Variants in AGMO observed in about 807,000 individuals in gnomAD.
The protein encoded by AGMO is alkylglycerol monooxygenase, also known as glyceryl-ether monooxygenase.
In AGMO, 75 loss-of-function variants were observed where a neutral mutation model predicts 60.2. The ratio of observed to expected loss-of-function variants is 1.25; its 90% confidence interval spans 1.03 to 1.51. The LOEUF is 1.51. Among genes scored for constraint, AGMO ranks in the 40% most tolerant of loss-of-function variants. AGMO has a pLI of 0.00. For missense variants in AGMO, 763 were observed against 525.5 expected (o/e 1.45, Z -4.42); for synonymous variants, 261 against 177.1 (o/e 1.47, Z -3.76).
At chr7:15,504,779 TAA>T (rs77098444) in intron 3 of AGMO, among the ~76,000 whole-genome samples, 16 of 116,392 alleles carry the variant, frequency 1.4e-4, no homozygotes, top group Admixed American at 1.8e-4. Flanking sequence ...CTAGTTAAAA[TAA>T]AAAAAAAAAA....
rs952767621 is a variant in AGMO at position 15,515,202 on chromosome 7, A to C, written c.409+29570T>G. Among the ~76,000 whole-genome samples, 3 of 152,360 alleles carry C rather than the reference A, an allele frequency of 2.0e-5. No individual in the cohort carries two copies. The East Asian group carries it at 5.8e-4, about 29-fold the overall frequency. On this transcript the variant is annotated intron_variant, in intron 3 of 12. Transcript: ENST00000342526. ...GTCTGTTTATGCTTCTGAAACTACTAAAAGGTTTTACTCTGGGAAAACTCT... is the reference window on the plus strand; with the variant it reads ...GTCTGTTTATGCTTCTGAAACTACTCAAAGGTTTTACTCTGGGAAAACTCT...
intron 5 of AGMO, among the ~76,000 whole-genome samples, chr7:15,398,270 A>T (rs895189576): frequency 3.3e-5 from 5 of 151,940 alleles, no homozygotes; most frequent in Admixed American, 2.6e-4. Flanking sequence ...GGCTGAGTGC[A>T]CTATTTTTTT....
At chr7:15,262,647 A>G (rs1583340152) in intron 12 of AGMO, among the ~76,000 whole-genome samples, 1 of 152,208 alleles carries the variant, frequency 6.6e-6, no homozygotes, top group East Asian at 1.9e-4. Flanking sequence ...AAGAGCCTGC[A>G]TAGCCAAAAG....
intron 3 of AGMO, among the ~76,000 whole-genome samples, chr7:15,482,302 C>T (rs1304511801): frequency 1.3e-5 from 2 of 151,796 alleles, no homozygotes; most frequent in African/African-American, 4.8e-5. Flanking sequence ...ATACACATTA[C>T]CTATAACAGG....
intron 3 of AGMO, among the ~76,000 whole-genome samples, chr7:15,472,443 G>A (rs189735825): frequency 4.6e-5 from 7 of 151,870 alleles, no homozygotes; most frequent in Admixed American, 4.6e-4. Context: ...ACTAAATATG[G>A]GAAGTCATTT....
chr7:15,248,641 T>A (rs529137382), intron 12 of AGMO, among the ~76,000 whole-genome samples: 1 of 152,222 alleles, frequency 6.6e-6, no homozygotes, highest in South Asian at 2.1e-4. Context: ...CTATAAACAC[T>A]GAACTTGAGA....
chr7:15,264,543 G>A (rs534715867), intron 12 of AGMO, among the ~76,000 whole-genome samples: 2 of 151,856 alleles, frequency 1.3e-5, no homozygotes, highest in East Asian at 1.9e-4. Context: ...ATCTGACAAA[G>A]GTCTAATATC....
chr7:15,481,362 G>T (rs191616488), intron 3 of AGMO, among the ~76,000 whole-genome samples: 1 of 152,124 alleles, frequency 6.6e-6, no homozygotes, highest in Non-Finnish European at 1.5e-5. Flanking sequence ...CAGGCAGTCC[G>T]TGAATCTCTG....
chr7:15,159,723 T>C, the AGMO span, among the ~76,000 whole-genome samples: 2 of 152,296 alleles, frequency 1.3e-5, no homozygotes, highest in Middle Eastern at 6.8e-3. Context: ...ATATTCCAGT[T>C]GCTTCAACTT....
Position 15,494,533 on chromosome 7 carries a change from G to C in AGMO, c.409+50239C>G, listed in dbSNP as rs115796752. Among the ~76,000 whole-genome samples the C allele has an allele frequency of 7.1e-3, 1,082 of 152,234 alleles. 17 individuals are homozygous for C. Among genetic ancestry groups the C allele is most frequent in the African/African-American group, 0.025 (1,027 of 41,520 alleles). Reference sequence around the variant, plus strand: ...ATAGCTGGAGTGAACACTTTAATAAGCACCCAGTAAAGCTGCTCCCAGCCT... The same window carrying C: ...ATAGCTGGAGTGAACACTTTAATAACCACCCAGTAAAGCTGCTCCCAGCCT... On this transcript the variant is annotated intron_variant, in intron 3 of 12. Coordinates refer to ENST00000342526, the MANE Select transcript of AGMO (RefSeq NM_001004320.2).
intron 12 of AGMO, among the ~76,000 whole-genome samples, chr7:15,361,760 C>T (rs1782777087): frequency 6.6e-6 from 1 of 151,810 alleles, no homozygotes; most frequent in Admixed American, 6.6e-5. Context: ...AATAACTTTG[C>T]CAGAAAGAGG....
At chr7:15,176,832 T>C in the AGMO span, among the ~76,000 whole-genome samples, 4 of 151,986 alleles carry the variant, frequency 2.6e-5, no homozygotes, top group Non-Finnish European at 4.4e-5. Flanking sequence ...TTGGTGTTAC[T>C]GAAATCATAG....
the AGMO span, among the ~76,000 whole-genome samples, chr7:15,129,477 C>A: frequency 6.6e-6 from 1 of 152,068 alleles, no homozygotes. Context: ...TAAGGAAAGG[C>A]AACTCATTCT....
chr7:15,143,958 T>A, the AGMO span, among the ~76,000 whole-genome samples: 18 of 152,322 alleles, frequency 1.2e-4, no homozygotes, highest in African/African-American at 4.3e-4. Context: ...TTGTAAATTA[T>A]ACATTTCAAT....
the AGMO span, among the ~76,000 whole-genome samples, chr7:15,139,774 G>A: frequency 6.9e-6 from 1 of 144,024 alleles, no homozygotes; most frequent in African/African-American, 2.6e-5. Flanking sequence ...TTGCACCACT[G>A]CACTCCAGCC....
intron 8 of AGMO, among the ~76,000 whole-genome samples, chr7:15,389,160 C>T (rs1249735854): frequency 1.3e-5 from 2 of 152,160 alleles, no homozygotes; most frequent in Non-Finnish European, 2.9e-5. Context: ...GCAGCACTGG[C>T]ATCATACAGA....
intron 12 of AGMO, among the ~76,000 whole-genome samples, chr7:15,335,401 A>G (rs1463715706): frequency 6.6e-6 from 1 of 152,160 alleles, no homozygotes; most frequent in African/African-American, 2.4e-5. Flanking sequence ...TGGTGATCTA[A>G]GTGGAAATAT....
At chr7:15,330,129 G>A (rs1189217481) in intron 12 of AGMO, among the ~76,000 whole-genome samples, 1 of 152,074 alleles carries the variant, frequency 6.6e-6, no homozygotes, top group African/African-American at 2.4e-5. Flanking sequence ...TGAGATTACT[G>A]TTTTAAGGAT....
chr7:15,241,243 G>A (rs975827247), intron 12 of AGMO, among the ~76,000 whole-genome samples: 1 of 151,420 alleles, frequency 6.6e-6, no homozygotes, highest in Non-Finnish European at 1.5e-5. Context: ...GGCGGATCAC[G>A]AGGTCAGGAG....
Sources: gnomAD v4.1 joint callset for allele counts (sites outside exome capture counted in the v4.1 genomes callset) on GRCh38, gnomAD v4.1.1 for gene constraint, MANE v1.5 for transcripts, NCBI Gene and HGNC (gene_info 2026-07-23, HGNC 2026-07-21) for gene names.